The following GLIS3 variants were observed in gnomAD, a reference collection of about 807,000 sequenced individuals.
GLIS3 encodes GLIS family zinc finger 3.
A neutral mutation model predicts 78.6 loss-of-function variants in GLIS3; 53 were observed. That is an observed-to-expected ratio of 0.67 (90% confidence interval 0.54 to 0.85). The LOEUF is 0.85. GLIS3 is among the 40% of genes least tolerant of loss of function. The pLI, the probability that GLIS3 is intolerant of heterozygous loss-of-function variation, is 0.00. For synonymous variants in GLIS3, 684 were observed against 509.9 expected (o/e 1.34, Z -4.60); for missense variants, 1,703 against 1,231.1 (o/e 1.38, Z -5.74).
chr9:4,272,291 C>T (rs549536788), intron 2 of GLIS3, among the ~76,000 whole-genome samples: 3 of 152,296 alleles, frequency 2.0e-5, no homozygotes, highest in East Asian at 3.9e-4. Flanking sequence ...TAAACATATG[C>T]CAGACACTAC....
intron 4 of GLIS3, among the ~76,000 whole-genome samples, chr9:3,996,022 G>A (rs1820720874): frequency 1.3e-5 from 2 of 151,822 alleles, no homozygotes; most frequent in Admixed American, 6.6e-5. Context: ...AAGATAAAAG[G>A]GTGACCTTAA....
chr9:3,989,862 A>G (rs1820078486), intron 4 of GLIS3, among the ~76,000 whole-genome samples: 2 of 150,398 alleles, frequency 1.3e-5, no homozygotes, highest in Non-Finnish European at 3.0e-5. Context: ...TATAGAACTT[A>G]CACACACACA....
At chr9:4,044,749 T>C (rs1825111496) in intron 4 of GLIS3, among the ~76,000 whole-genome samples, 1 of 152,156 alleles carries the variant, frequency 6.6e-6, no homozygotes, top group South Asian at 2.1e-4. Flanking sequence ...TAGCATGCTT[T>C]CTCATATTTC....
At chr9:3,898,928 G>A in intron 6 of GLIS3, 93 bp from the exon 7 acceptor site, 1 of 1,555,312 alleles carries the variant, frequency 6.4e-7, no homozygotes, top group Non-Finnish European at 8.8e-7. Context: ...GTGCAACTCA[G>A]CCCACAAAAA....
chr9:3,937,076 G>A lies in GLIS3; in HGVS notation c.1824C>T (p.Phe608=), dbSNP rs1471327506. ...LCQHPGCQKA[F]SNSSDRAKHQ... Reference sequence around the variant, plus strand: ...GTTTGGCGCGGTCACTGGAGTTACTGAAGGCCTTCTGACAACCCGGATGCT... The same window carrying A: ...GTTTGGCGCGGTCACTGGAGTTACTAAAGGCCTTCTGACAACCCGGATGCT... The change falls in exon 5 of 11, where the codon TTC becomes TTT. Residue 608 remains phenylalanine, a synonymous_variant. Transcript: ENST00000381971. The A allele has an allele frequency of 1.2e-6, 2 of 1,613,754 alleles. No individual in the cohort carries two copies. The highest frequency in any genetic ancestry group is 8.5e-7 in the Non-Finnish European group (1 of 1,180,020).
chr9:4,413,722 G>C, the GLIS3 span, among the ~76,000 whole-genome samples: 1 of 151,970 alleles, frequency 6.6e-6, no homozygotes, highest in Non-Finnish European at 1.5e-5. Context: ...ACTCATTTGA[G>C]ACCCATGTTC....
At chr9:3,926,375 C>G (rs1263065066) in intron 6 of GLIS3, among the ~76,000 whole-genome samples, 1 of 151,560 alleles carries the variant, frequency 6.6e-6, no homozygotes, top group Non-Finnish European at 1.5e-5. Flanking sequence ...GGACTAAAGG[C>G]GCCAGCCACC....
the GLIS3 span, among the ~76,000 whole-genome samples, chr9:4,433,959 G>T: frequency 6.6e-6 from 1 of 152,048 alleles, no homozygotes; most frequent in African/African-American, 2.4e-5. Flanking sequence ...AGCTGGGCGT[G>T]GTGGCACAAG....
intron 4 of GLIS3, among the ~76,000 whole-genome samples, chr9:4,030,358 A>C (rs901489982): frequency 6.6e-6 from 1 of 152,158 alleles, no homozygotes; most frequent in East Asian, 1.9e-4. Context: ...TCCCTTGTCA[A>C]ATGGGTAGTT....
At chr9:4,359,306 T>G in the GLIS3 span, among the ~76,000 whole-genome samples, 1 of 152,128 alleles carries the variant, frequency 6.6e-6, no homozygotes, top group African/African-American at 2.4e-5. Flanking sequence ...CATCAGATCT[T>G]TTCTCCTTAC....
intron 1 of GLIS3, 48 bp from the exon 2 acceptor site, chr9:4,286,571 T>A: frequency 1.1e-6 from 1 of 912,118 alleles, no homozygotes; most frequent in Non-Finnish European, 1.7e-6. Context: ...AAAATGAAAA[T>A]AAGATACAGT....
chr9:3,910,136 C>T (rs519644), intron 6 of GLIS3, among the ~76,000 whole-genome samples: 126,569 of 151,996 alleles, frequency 0.83, 52,949 homozygotes, highest in Middle Eastern at 0.88. Flanking sequence ...CTGCCAACTA[C>T]AGATCCACCC....
the GLIS3 span, among the ~76,000 whole-genome samples, chr9:4,366,379 T>A: frequency 1.1e-4 from 17 of 152,138 alleles, no homozygotes; most frequent in African/African-American, 3.6e-4. Flanking sequence ...AGTTAAAACG[T>A]GAAAAAAAAC....
At chr9:4,315,493 T>G (rs1001437002) in intron 2 of GLIS3, among the ~76,000 whole-genome samples, 4 of 152,232 alleles carry the variant, frequency 2.6e-5, no homozygotes, top group African/African-American at 9.6e-5. Context: ...CCTCTATTTT[T>G]TAAAGCCTTT....
rs533714173 is a variant in GLIS3 at position 4,240,492 on chromosome 9, G to A, written c.388+45546C>T. On this transcript the variant is annotated intron_variant, in intron 2 of 10. Coordinates refer to ENST00000381971, the MANE Select transcript of GLIS3 (RefSeq NM_001042413.2). ...CCCTGATCTAAAGCATAACTTCAAC[G>A]GTCCATTCCTGAGATTTTCTCTCCA... 3.9e-5 allele frequency among the ~76,000 whole-genome samples: 6 copies of A among 151,900 alleles called. No individual in the cohort carries two copies. The South Asian group carries it at 8.3e-4, about 21-fold the overall frequency.
chr9:4,162,582 G>T (rs953347855), intron 2 of GLIS3, among the ~76,000 whole-genome samples: 1 of 152,110 alleles, frequency 6.6e-6, no homozygotes, highest in Non-Finnish European at 1.5e-5. Flanking sequence ...ATCACTGGCC[G>T]GGTGCGGTGG....
chr9:4,474,750 G>A, the GLIS3 span, among the ~76,000 whole-genome samples: 1 of 145,042 alleles, frequency 6.9e-6, no homozygotes, highest in African/African-American at 2.6e-5. Context: ...AGGCTGGAGT[G>A]CAGTGGCATG....
chr9:3,886,408 A>G (rs140485878), intron 7 of GLIS3, among the ~76,000 whole-genome samples: 1 of 152,346 alleles, frequency 6.6e-6, no homozygotes, highest in Non-Finnish European at 1.5e-5. Context: ...ATTTCAGTTT[A>G]AAAGATAACA....
At chr9:3,967,025 A>C (rs952126081) in intron 4 of GLIS3, among the ~76,000 whole-genome samples, 10 of 145,076 alleles carry the variant, frequency 6.9e-5, no homozygotes, top group South Asian at 4.3e-4. Flanking sequence ...AAAAAAAAAA[A>C]AAAAAAAACA....
Sources: allele counts gnomAD v4.1 joint callset (sites outside exome capture counted in the v4.1 genomes callset), GRCh38; gene constraint gnomAD v4.1.1; transcripts MANE v1.5; gene names NCBI Gene and HGNC (gene_info 2026-07-23, HGNC 2026-07-21).